GPC6: variants seen among roughly 807,000 people sequenced by gnomAD.
GPC6 encodes the protein glypican-6.
Under a neutral mutation model 55.2 loss-of-function variants are expected in GPC6, and 14 were observed. The ratio of observed to expected loss-of-function variants is 0.25; its 90% CI spans 0.17 to 0.40. GPC6 has a LOEUF of 0.40. Among genes scored for constraint, GPC6 ranks in the 10% least tolerant of loss-of-function variants. The pLI, the probability that GPC6 is intolerant of heterozygous loss-of-function variation, is 1.00. For missense variants in GPC6, 641 were observed against 708.5 expected (o/e 0.90, Z 1.08); for synonymous variants, 278 against 259.6 (o/e 1.07, Z -0.68).
intron 4 of GPC6, among the ~76,000 whole-genome samples, chr13:94,049,382 T>A (rs57598130): frequency 0.024 from 3,595 of 152,216 alleles, 120 homozygotes; most frequent in South Asian, 0.076. Context: ...ATTTACTGAT[T>A]GAAGAGTGGC....
intron 1 of GPC6, among the ~76,000 whole-genome samples, chr13:93,278,859 A>G (rs1877851355): frequency 6.6e-6 from 1 of 152,188 alleles, no homozygotes; most frequent in Non-Finnish European, 1.5e-5. Flanking sequence ...AAAACAAAAA[A>G]TGGGTAACTA....
At chr13:93,678,360 G>A (rs538878738) in intron 2 of GPC6, among the ~76,000 whole-genome samples, 1 of 152,240 alleles carries the variant, frequency 6.6e-6, no homozygotes, top group African/African-American at 2.4e-5. Context: ...GATACTTCCA[G>A]TATTTTGCTA....
rs35858695 is a variant in GPC6, at chr13:93,930,275, GT to G, written c.712-97441del. Among the ~76,000 whole-genome samples the G allele has an allele frequency of 3.5e-4, 43 of 123,836 alleles. 1 individual carries two copies. Among genetic ancestry groups the G allele is most frequent in the East Asian group, 5.1e-4 (2 of 3,912 alleles). The allele number at this position is 123,836 out of a possible 152,430, so 81.2% of individuals were successfully genotyped here. ...TTTTAAAGGTTATTGGAAACGAAAG[GT>G]TTTTTTTTTTTTGTAGACAGAGTCT... On this transcript the variant is annotated intron_variant, in intron 3 of 8. Coordinates refer to ENST00000377047, the MANE Select transcript of GPC6 (RefSeq NM_005708.5).
At chr13:93,260,484 C>T (rs1484023246) in intron 1 of GPC6, among the ~76,000 whole-genome samples, 2 of 152,070 alleles carry the variant, frequency 1.3e-5, no homozygotes, top group Non-Finnish European at 2.9e-5. Flanking sequence ...CTTTGGCTAA[C>T]AGACGCTCCT....
At chr13:94,132,708 T>C (rs1887043641) in intron 4 of GPC6, among the ~76,000 whole-genome samples, 1 of 152,188 alleles carries the variant, frequency 6.6e-6, no homozygotes, top group Non-Finnish European at 1.5e-5. Context: ...GCACAGCATT[T>C]AACTGGCATG....
At chr13:94,233,208 G>A (rs1361179658) in intron 4 of GPC6, among the ~76,000 whole-genome samples, 1 of 151,534 alleles carries the variant, frequency 6.6e-6, no homozygotes, top group Non-Finnish European at 1.5e-5. Flanking sequence ...ACTGTATAAA[G>A]GAAATTTTTT....
intron 3 of GPC6, among the ~76,000 whole-genome samples, chr13:94,012,297 T>C (rs76020322): frequency 1.3e-5 from 2 of 152,308 alleles, no homozygotes; most frequent in Non-Finnish European, 2.9e-5. Context: ...AAAAGGTCCA[T>C]GCTGGTACTT....
intron 2 of GPC6, among the ~76,000 whole-genome samples, chr13:93,787,398 G>A (rs1885846543): frequency 6.6e-6 from 1 of 152,180 alleles, no homozygotes; most frequent in Admixed American, 6.5e-5. Flanking sequence ...GTGAACCTCT[G>A]TTCCAATAAA....
intron 3 of GPC6, among the ~76,000 whole-genome samples, chr13:93,843,507 G>C (rs890459951): frequency 6.6e-6 from 1 of 152,010 alleles, no homozygotes; most frequent in Non-Finnish European, 1.5e-5. Context: ...CCTTCCATTG[G>C]GCCCCAAATC....
At chr13:94,120,207 A>G (rs754447340) in intron 4 of GPC6, among the ~76,000 whole-genome samples, 50 of 152,114 alleles carry the variant, frequency 3.3e-4, no homozygotes, top group Admixed American at 7.9e-4. Flanking sequence ...AGCAGTAGAC[A>G]TACACCACCA....
At chr13:94,324,308 C>A (rs1265168588) in intron 6 of GPC6, among the ~76,000 whole-genome samples, 1 of 140,014 alleles carries the variant, frequency 7.1e-6, no homozygotes. Context: ...TCTATGAAAG[C>A]CTTAAAAAAA....
At chr13:93,776,676 G>T (rs2138900622) in intron 2 of GPC6, among the ~76,000 whole-genome samples, 1 of 152,226 alleles carries the variant, frequency 6.6e-6, no homozygotes, top group East Asian at 1.9e-4. Context: ...TCTGCCCTTG[G>T]CTTCACTAGA....
chr13:94,347,978 C>T (rs1016891730), intron 6 of GPC6, among the ~76,000 whole-genome samples: 2 of 152,200 alleles, frequency 1.3e-5, no homozygotes, highest in Non-Finnish European at 2.9e-5. Context: ...CGTCACTGCC[C>T]AGGTTGATCA....
chr13:93,240,912 C>T (rs747767663), intron 1 of GPC6, among the ~76,000 whole-genome samples: 8 of 152,028 alleles, frequency 5.3e-5, no homozygotes, highest in Non-Finnish European at 1.0e-4. Flanking sequence ...AAGTTTTGCA[C>T]CATACAAAAT....
At position 94,403,395 on chromosome 13, in the gene GPC6, C is replaced by T. The variant is rs1881235755; in HGVS notation, c.*178C>T. The T allele has an allele frequency of 1.5e-6, 1 of 664,278 alleles. No individual in the cohort carries two copies. Among genetic ancestry groups the T allele is most frequent in the Admixed American group, 2.1e-5 (1 of 48,206 alleles). The allele number at this position is 664,278 out of a possible 1,614,324, so 41.1% of individuals were successfully genotyped here. On this transcript the variant is annotated 3_prime_UTR_variant, in exon 9 of 9. Transcript: ENST00000377047. The stretch of plus-strand genomic sequence containing the variant: ...TTCCCAAAGAGTACCGGGTGCCAGA[C>T]TGAACTGCTTCCTCTTTCCTTCAGC...
At chr13:94,129,400 G>T (rs1886936097) in intron 4 of GPC6, among the ~76,000 whole-genome samples, 1 of 152,032 alleles carries the variant, frequency 6.6e-6, no homozygotes, top group African/African-American at 2.4e-5. Context: ...AGGGACTTAT[G>T]GAAGACCTGT....
intron 4 of GPC6, among the ~76,000 whole-genome samples, chr13:94,066,814 AAGG>A (rs1884532949): frequency 6.6e-6 from 1 of 152,188 alleles, no homozygotes; most frequent in African/African-American, 2.4e-5. Context: ...TTCCCTTTAT[AAGG>A]TAGGTATAAA....
intron 1 of GPC6, among the ~76,000 whole-genome samples, chr13:93,504,823 C>A (rs1455213914): frequency 6.6e-6 from 1 of 152,104 alleles, no homozygotes; most frequent in Non-Finnish European, 1.5e-5. Flanking sequence ...GGTGTTTAGT[C>A]CTCTGACAAC....
intron 2 of GPC6, among the ~76,000 whole-genome samples, chr13:93,621,592 A>G (rs921678498): frequency 6.6e-6 from 1 of 152,164 alleles, no homozygotes; most frequent in African/African-American, 2.4e-5. Context: ...TTAATATTAC[A>G]CTTCAACTTT....
Sources: gnomAD v4.1 joint callset for allele counts (sites outside exome capture counted in the v4.1 genomes callset) on GRCh38, gnomAD v4.1.1 for gene constraint, MANE v1.5 for transcripts, NCBI Gene and HGNC (gene_info 2026-07-23, HGNC 2026-07-21) for gene names.